The following PDE4C variants were observed in gnomAD, a reference collection of about 807,000 sequenced individuals.
PDE4C encodes phosphodiesterase 4C, also known as 3',5'-cyclic-AMP phosphodiesterase 4C.
Under a neutral mutation model 63.9 loss-of-function variants are expected in PDE4C, and 50 were observed. That is an observed-to-expected ratio of 0.78 (90% confidence interval 0.62 to 0.99). PDE4C has a LOEUF of 0.99. Ranked by LOEUF, PDE4C falls within the 50% of genes least tolerant of loss-of-function variation. The pLI is 0.00. For synonymous variants in PDE4C, 377 were observed against 385.1 expected (o/e 0.98, Z 0.25); for missense variants, 777 against 899.1 (o/e 0.86, Z 1.74).
intron 11 of PDE4C, 66 bp downstream of exon 11, chr19:18,218,072 CCCCTGAGATCA>C: frequency 9.2e-7 from 1 of 1,082,630 alleles, no homozygotes; most frequent in East Asian, 2.4e-5. Context: ...AGATGGGAAC[CCCCTGAGATCA>C]CCTGGTGGAC....
At chr19:18,212,091 G>A (rs1310053116) in intron 13 of PDE4C, 150 bp from the exon 14 acceptor site, 7 of 716,004 alleles carry the variant, frequency 9.8e-6, no homozygotes, top group South Asian at 1.9e-5. Context: ...TAAGGCACAG[G>A]CATGTGACTC....
chr19:18,214,162 G>A (rs1048537105), intron 12 of PDE4C, among the ~76,000 whole-genome samples: 7 of 151,776 alleles, frequency 4.6e-5, no homozygotes, highest in African/African-American at 1.7e-4. Flanking sequence ...GAAGGCTGAG[G>A]CAGGAGAATG....
At chr19:18,239,043 T>C (rs576586471) in intron 1 of PDE4C, among the ~76,000 whole-genome samples, 1 of 151,536 alleles carries the variant, frequency 6.6e-6, no homozygotes, top group African/African-American at 2.4e-5. Flanking sequence ...AGCAAATGAA[T>C]AATAACGATA....
At chr19:18,235,702 A>T (rs1030740867), upstream of PDE4C, among the ~76,000 whole-genome samples, 1 of 151,256 alleles carries the variant, frequency 6.6e-6, no homozygotes, top group African/African-American at 2.4e-5. Flanking sequence ...CGGAAGACAC[A>T]CCTCTCACTC....
chr19:18,213,667 A>G (rs1968069374), intron 12 of PDE4C, among the ~76,000 whole-genome samples, 177 bp from the exon 13 acceptor site: 1 of 152,256 alleles, frequency 6.6e-6, no homozygotes, highest in Non-Finnish European at 1.5e-5. Flanking sequence ...AGAGGGGCTC[A>G]GTCAGGGGCC....
the PDE4C span, among the ~76,000 whole-genome samples, chr19:18,253,729 C>T: frequency 6.6e-6 from 1 of 152,278 alleles, no homozygotes; most frequent in Non-Finnish European, 1.5e-5. Context: ...GGGAACATGT[C>T]TCCGGAACCC....
intron 1 of PDE4C, among the ~76,000 whole-genome samples, chr19:18,231,715 T>C (rs1244290967): frequency 1.3e-5 from 2 of 152,030 alleles, no homozygotes; most frequent in Non-Finnish European, 2.9e-5. Context: ...CTGACTTGGT[T>C]CTCCCTCCAA....
chr19:18,219,351 G>C (rs960780031), exon 8 of PDE4C: 7 of 1,613,488 alleles, frequency 4.3e-6, no homozygotes, highest in African/African-American at 1.3e-5. Context: ...TGGGCTGTGG[G>C]GCCTCCTCAG....
intron 1 of PDE4C, among the ~76,000 whole-genome samples, chr19:18,246,463 G>A (rs996796292): frequency 2.0e-5 from 3 of 151,822 alleles, no homozygotes; most frequent in Non-Finnish European, 2.9e-5. Context: ...GATTACAGGC[G>A]TGAGCCACCG....
exon 1 of PDE4C, chr19:18,248,197 C>T (rs753919389): frequency 2.2e-6 from 1 of 456,298 alleles, no homozygotes; most frequent in South Asian, 1.5e-5. Flanking sequence ...TGCCTGGGTC[C>T]CATGACCTGC....
At chr19:18,218,165 C>T in exon 11 of PDE4C, 2 of 1,613,826 alleles carry the variant, frequency 1.2e-6, no homozygotes, top group Admixed American at 1.7e-5. Context: ...TAATCAGAAA[C>T]TGGTTGGAGA....
chr19:18,226,637 G>A (rs1327701785), upstream of PDE4C, among the ~76,000 whole-genome samples: 2 of 132,396 alleles, frequency 1.5e-5, no homozygotes, highest in Non-Finnish European at 3.1e-5. Context: ...AGACGATCTC[G>A]CTGTGTTGCC....
At chr19:18,208,369 G>C (rs999859878), downstream of PDE4C, 1 of 152,258 alleles carries the variant, frequency 6.6e-6, no homozygotes, top group Admixed American at 6.5e-5. Flanking sequence ...GCTTGAGCAT[G>C]GTGCTGCCCA....
Position 18,221,247 on chromosome 19 carries a change from C to T in PDE4C, c.375+14G>A, listed in dbSNP as rs1968471665. ...CCGGAGGGGGTCAGGGCAGGGAGGG[C>T]GGGGGACACCCACCTGGGCAAAGGG... On this transcript the variant is annotated intron_variant, in intron 3 of 14. Transcript: ENST00000262805. 3.4e-6 allele frequency: 3 copies of T among 886,414 alleles called. No homozygotes were observed. Among genetic ancestry groups the T allele is most frequent in the African/African-American group, 1.7e-5 (1 of 58,800 alleles). The allele number at this position is 886,414 out of a possible 1,614,324, so 54.9% of individuals were successfully genotyped here.
chr19:18,217,625 G>T (rs890101880), intron 11 of PDE4C, among the ~76,000 whole-genome samples: 1 of 152,066 alleles, frequency 6.6e-6, no homozygotes, highest in Non-Finnish European at 1.5e-5. Context: ...GTCTGGGCGC[G>T]GTGGCTCGTG....
chr19:18,218,772 C>T (rs1968327563), intron 9 of PDE4C, among the ~76,000 whole-genome samples, 168 bp downstream of exon 9: 1 of 152,246 alleles, frequency 6.6e-6, no homozygotes. Flanking sequence ...GGACAACAAA[C>T]TGTTCATCTG....
chr19:18,241,699 A>G (rs758539438), intron 1 of PDE4C, among the ~76,000 whole-genome samples: 5 of 151,954 alleles, frequency 3.3e-5, no homozygotes, highest in Admixed American at 6.6e-5. Flanking sequence ...ACAGTCACAC[A>G]CCACAACTCC....
upstream of PDE4C, among the ~76,000 whole-genome samples, chr19:18,238,413 T>C (rs1009314807): frequency 2.6e-5 from 4 of 151,738 alleles, no homozygotes; most frequent in African/African-American, 9.7e-5. Context: ...TTTTTTGGTA[T>C]TTTTAGTAGA....
At chr19:18,229,133 A>T (rs1265409171), upstream of PDE4C, among the ~76,000 whole-genome samples, 6 of 126,846 alleles carry the variant, frequency 4.7e-5, no homozygotes, top group African/African-American at 1.5e-4. Context: ...TGTATTTAGT[A>T]GAGACGAGGT....
Sources: gnomAD v4.1 joint callset for allele counts (sites outside exome capture counted in the v4.1 genomes callset) on GRCh38, gnomAD v4.1.1 for gene constraint, MANE v1.5 for transcripts, NCBI Gene and HGNC (gene_info 2026-07-23, HGNC 2026-07-21) for gene names.